The following ANO3 variants were observed in gnomAD, a reference collection of about 807,000 sequenced individuals.
The protein encoded by ANO3 is anoctamin 3.
ANO3 carries 99 observed loss-of-function variants against 144.8 expected under a neutral mutation model. That is an observed-to-expected ratio of 0.68 (90% CI 0.58 to 0.81). ANO3 has a LOEUF of 0.81. ANO3 is among the 30% of genes least tolerant of loss of function. ANO3 has a pLI of 0.00. For missense variants in ANO3, 905 were observed against 1,202.2 expected (o/e 0.75, Z 3.66); for synonymous variants, 414 against 392.6 (o/e 1.05, Z -0.64).
intron 17 of ANO3, among the ~76,000 whole-genome samples, chr11:26,611,031 T>C (rs1367077275): frequency 1.3e-5 from 2 of 152,156 alleles, no homozygotes; most frequent in Non-Finnish European, 2.9e-5. Flanking sequence ...TTCCTCTTTT[T>C]TTCTGTGGTG....
At chr11:26,291,236 CT>C (rs1016953465) in intron 1 of ANO3, among the ~76,000 whole-genome samples, 4 of 151,944 alleles carry the variant, frequency 2.6e-5, no homozygotes, top group East Asian at 3.9e-4. Flanking sequence ...GCAACCCTTG[CT>C]TTTTTTTGTT....
chr11:26,332,015 G>A (rs569896596), upstream of ANO3: 23 of 1,050,730 alleles, frequency 2.2e-5, no homozygotes, highest in East Asian at 5.2e-4. Flanking sequence ...CCCTCACTGT[G>A]GCACTGGACG....
At chr11:26,257,801 T>C (rs2133824640) in intron 1 of ANO3, among the ~76,000 whole-genome samples, 1 of 152,074 alleles carries the variant, frequency 6.6e-6, no homozygotes, top group East Asian at 1.9e-4. Context: ...TTTTGACAAA[T>C]CATAAAGAAT....
upstream of ANO3, among the ~76,000 whole-genome samples, chr11:26,307,780 AATT>A (rs746351858): frequency 2.2e-4 from 33 of 150,200 alleles, no homozygotes; most frequent in Non-Finnish European, 3.4e-4. Flanking sequence ...AAAAAGACAA[AATT>A]ATTTAGTTTT....
intron 3 of ANO3, among the ~76,000 whole-genome samples, chr11:26,452,192 G>A (rs921409698): frequency 1.3e-5 from 2 of 152,328 alleles, no homozygotes; most frequent in African/African-American, 2.4e-5. Flanking sequence ...TGCTCCAAAG[G>A]AATGCAGTTC....
At chr11:26,289,082 C>T (rs1053600087) in intron 1 of ANO3, among the ~76,000 whole-genome samples, 1 of 152,048 alleles carries the variant, frequency 6.6e-6, no homozygotes, top group East Asian at 1.9e-4. Flanking sequence ...TGGAGGTAAA[C>T]CATACATATC....
chr11:26,291,814 C>T (rs1294930838), intron 1 of ANO3, among the ~76,000 whole-genome samples: 2 of 152,154 alleles, frequency 1.3e-5, no homozygotes, highest in South Asian at 4.1e-4. Flanking sequence ...GTGGGTAACT[C>T]GACCTTTCTC....
At chr11:26,215,443 C>A (rs1305419967) in intron 1 of ANO3, among the ~76,000 whole-genome samples, 1 of 151,920 alleles carries the variant, frequency 6.6e-6, no homozygotes, top group Non-Finnish European at 1.5e-5. Context: ...CTGCCACTAT[C>A]ATTGTGAAGA....
intron 1 of ANO3, among the ~76,000 whole-genome samples, chr11:26,423,670 T>G (rs1239961964): frequency 6.6e-6 from 1 of 152,006 alleles, no homozygotes; most frequent in African/African-American, 2.4e-5. Flanking sequence ...TTTTCGAGTT[T>G]GCCAAGATCG....
At chr11:26,359,696 T>G (rs548590819) in intron 1 of ANO3, among the ~76,000 whole-genome samples, 1 of 152,282 alleles carries the variant, frequency 6.6e-6, no homozygotes, top group African/African-American at 2.4e-5. Context: ...CACAATGTCC[T>G]GGAAACTAAA....
At chr11:26,413,963 CAG>C (rs1433680401) in intron 1 of ANO3, among the ~76,000 whole-genome samples, 2 of 152,056 alleles carry the variant, frequency 1.3e-5, no homozygotes, top group Non-Finnish European at 2.9e-5. Context: ...CTCTTAGACA[CAG>C]AGTGACAGAA....
intron 4 of ANO3, among the ~76,000 whole-genome samples, chr11:26,499,786 G>A (rs764023137): frequency 4.9e-4 from 74 of 151,826 alleles, no homozygotes; most frequent in Non-Finnish European, 2.2e-4. Context: ...TTGTAATTAC[G>A]TTTAGCAGCT....
At chr11:26,593,577 C>T (rs574948368) in intron 14 of ANO3, among the ~76,000 whole-genome samples, 17 of 152,216 alleles carry the variant, frequency 1.1e-4, no homozygotes, top group African/African-American at 3.9e-4. Context: ...TGGCGCTTGC[C>T]CTGGGCACCC....
At chr11:26,487,025 C>T (rs965347920) in intron 4 of ANO3, among the ~76,000 whole-genome samples, 1 of 152,302 alleles carries the variant, frequency 6.6e-6, no homozygotes, top group Non-Finnish European at 1.5e-5. Context: ...TTGCAAGGAG[C>T]GTTTGGTGAC....
At chr11:26,630,211 A>G (rs1852731673) in intron 18 of ANO3, among the ~76,000 whole-genome samples, 1 of 152,260 alleles carries the variant, frequency 6.6e-6, no homozygotes, top group Non-Finnish European at 1.5e-5. Flanking sequence ...TGTGTTGAAT[A>G]TAAGATTTAG....
At chr11:26,324,456 C>T (rs1287246334) in intron 1 of ANO3, among the ~76,000 whole-genome samples, 1 of 152,170 alleles carries the variant, frequency 6.6e-6, no homozygotes, top group African/African-American at 2.4e-5. Context: ...AAGGAAATGT[C>T]TATCAAATTA....
intron 14 of ANO3, chr11:26,565,353 C>T: frequency 6.2e-7 from 1 of 1,612,584 alleles, no homozygotes; most frequent in African/African-American, 1.3e-5. Context: ...AGAGAGGATG[C>T]TAACTGTAAT....
chr11:26,246,456 T>TCATA (rs1554928590), intron 1 of ANO3, among the ~76,000 whole-genome samples: 1 of 140,036 alleles, frequency 7.1e-6, no homozygotes, highest in Non-Finnish European at 1.5e-5. Context: ...AGTGTAGTCT[T>TCATA]TATATATATA....
At chr11:26,586,643 C>T (rs1254792214) in intron 14 of ANO3, among the ~76,000 whole-genome samples, 4 of 151,484 alleles carry the variant, frequency 2.6e-5, no homozygotes, top group African/African-American at 9.7e-5. Context: ...GCTGGGACTA[C>T]AGGCGCCCGC....
Sources: gnomAD v4.1 joint callset for allele counts (sites outside exome capture counted in the v4.1 genomes callset) on GRCh38, gnomAD v4.1.1 for gene constraint, MANE v1.5 for transcripts, NCBI Gene and HGNC (gene_info 2026-07-23, HGNC 2026-07-21) for gene names.